Variants in XIRP2 observed in about 807,000 individuals in gnomAD.
XIRP2 encodes xin actin binding repeat containing 2, also known as xin actin-binding repeat-containing protein 2.
In XIRP2, 236 loss-of-function variants were observed where a neutral mutation model predicts 277.0. The ratio of observed to expected loss-of-function variants is 0.85; its 90% CI spans 0.77 to 0.95. The LOEUF is 0.95. Ranked by LOEUF, XIRP2 falls within the 40% of genes least tolerant of loss-of-function variation. XIRP2 has a pLI of 0.00. For missense variants in XIRP2, 4,640 were observed against 4,157.5 expected, an observed-to-expected ratio of 1.12 and a Z score of -3.19; for synonymous variants, 1,490 against 1,416.5, an observed-to-expected ratio of 1.05 and a Z score of -1.17.
At chr2:167,161,350 C>G (rs540321795) in intron 3 of XIRP2, among the ~76,000 whole-genome samples, 15 of 152,230 alleles carry the variant, frequency 9.9e-5, no homozygotes, top group Non-Finnish European at 2.1e-4. Flanking sequence ...CCCTTCTCCA[C>G]TGCCCTAGCA....
chr2:166,944,491 T>C (rs113193385), intron 2 of XIRP2, among the ~76,000 whole-genome samples: 2 of 152,200 alleles, frequency 1.3e-5, no homozygotes, highest in South Asian at 2.1e-4. Context: ...TTCTCAAAAA[T>C]AGATCCCTCT....
chr2:167,210,664 A>G, intron 3 of XIRP2, 71 bp from the exon 4 acceptor site: 1 of 1,543,262 alleles, frequency 6.5e-7, no homozygotes, highest in Non-Finnish European at 8.9e-7. Context: ...ATGCTTCACC[A>G]TTTATAAGGT....
At chr2:167,084,203 T>C (rs1199415702) in intron 2 of XIRP2, among the ~76,000 whole-genome samples, 1 of 152,046 alleles carries the variant, frequency 6.6e-6, no homozygotes, top group Non-Finnish European at 1.5e-5. Flanking sequence ...GATAATAATG[T>C]GGTTTTTGTC....
At chr2:167,203,506 T>C (rs1472738417) in intron 3 of XIRP2, among the ~76,000 whole-genome samples, 1 of 152,172 alleles carries the variant, frequency 6.6e-6, no homozygotes, top group Admixed American at 6.5e-5. Flanking sequence ...AAATGGAATC[T>C]GAGTCACTGT....
At chr2:167,218,361 C>T in intron 5 of XIRP2, 61 bp downstream of exon 5, 1 of 1,324,058 alleles carries the variant, frequency 7.6e-7, no homozygotes, top group Non-Finnish European at 9.8e-7. Flanking sequence ...ATTTTGGTGC[C>T]AATGTAGAAA....
intron 3 of XIRP2, among the ~76,000 whole-genome samples, chr2:167,162,050 A>G (rs1171441613): frequency 6.6e-6 from 1 of 152,096 alleles, no homozygotes; most frequent in Non-Finnish European, 1.5e-5. Context: ...AACAAGAATC[A>G]CCTTTGCTGC....
intron 3 of XIRP2, among the ~76,000 whole-genome samples, chr2:167,178,829 G>A (rs1692928586): frequency 6.6e-6 from 1 of 151,808 alleles, no homozygotes; most frequent in Non-Finnish European, 1.5e-5. Context: ...TGTTACTAAG[G>A]CCCATGGATG....
At chr2:167,027,017 G>A (rs983734793) in intron 2 of XIRP2, among the ~76,000 whole-genome samples, 2 of 151,858 alleles carry the variant, frequency 1.3e-5, no homozygotes, top group African/African-American at 2.4e-5. Context: ...TCTTTGTGGC[G>A]TTCTCTATAT....
chr2:166,910,462 C>G (rs1344855182), intron 2 of XIRP2, among the ~76,000 whole-genome samples: 1 of 151,592 alleles, frequency 6.6e-6, no homozygotes, highest in Non-Finnish European at 1.5e-5. Flanking sequence ...GGTGATATTC[C>G]CTTTATCATT....
intron 2 of XIRP2, among the ~76,000 whole-genome samples, chr2:167,101,296 TAA>T (rs980573176): frequency 1.1e-4 from 16 of 152,332 alleles, no homozygotes; most frequent in East Asian, 7.7e-4. Flanking sequence ...TAAAAAATGG[TAA>T]AAGAGTTTGA....
chr2:167,141,074 A>G (rs1444310880), intron 3 of XIRP2: 1 of 152,194 alleles, frequency 6.6e-6, no homozygotes, highest in Non-Finnish European at 1.5e-5. Context: ...TTGAGCTTGC[A>G]CGCGGTCATA....
intron 2 of XIRP2, among the ~76,000 whole-genome samples, chr2:167,115,953 C>T (rs1690886110): frequency 6.6e-6 from 1 of 152,134 alleles, no homozygotes; most frequent in Non-Finnish European, 1.5e-5. Flanking sequence ...ATGTTATCTT[C>T]CTGTTTTTGA....
At chr2:167,197,140 T>C (rs1292718992) in intron 3 of XIRP2, among the ~76,000 whole-genome samples, 1 of 152,166 alleles carries the variant, frequency 6.6e-6, no homozygotes, top group Admixed American at 6.6e-5. Context: ...GACTTTTGGG[T>C]GAAGAGCTGA....
At position 167,244,864 on chromosome 2, in the gene XIRP2, C is replaced by T; in HGVS notation, c.3472C>T (p.Gln1158Ter). 1 of 1,613,528 alleles carries T rather than the reference C, an allele frequency of 6.2e-7. No homozygotes were observed. The highest frequency in any genetic ancestry group is 1.1e-5 in the South Asian group (1 of 91,060). ...GCAAACTGTAAAACAGGAGGAGATC[C>T]AAGGTGGGGATGTTCGTACAGCATG... ...KLQTVKQEEI[Q>*]GGDVRTACFL... The change falls in exon 9 of 11, where the codon CAA becomes TAA. Residue 1158 changes from glutamine to a stop codon, truncating the protein, a stop_gained. Coordinates refer to ENST00000409195, the MANE Select transcript of XIRP2 (RefSeq NM_152381.6). LOFTEE classifies it high-confidence loss of function.
At chr2:167,096,669 T>TTAGA in intron 2 of XIRP2, among the ~76,000 whole-genome samples, 1 of 152,214 alleles carries the variant, frequency 6.6e-6, no homozygotes, top group African/African-American at 2.4e-5. Context: ...CTTTCCTACT[T>TTAGA]TCTCCTGTGG....
At chr2:167,221,478 A>G (rs1004347355) in intron 5 of XIRP2, among the ~76,000 whole-genome samples, 59 of 142,510 alleles carry the variant, frequency 4.1e-4, no homozygotes, top group African/African-American at 1.6e-3. Flanking sequence ...AAAAAAAAAA[A>G]AAAAAAAGGA....
intron 3 of XIRP2, among the ~76,000 whole-genome samples, chr2:167,196,412 T>TTGTGTG (rs71031280): frequency 0.086 from 12,250 of 141,746 alleles, 595 homozygotes; most frequent in Non-Finnish European, 0.11. Context: ...GTCAAGAATT[T>TTGTGTG]TGTGTGTGTG....
chr2:167,111,647 C>A (rs1345651067), intron 2 of XIRP2, among the ~76,000 whole-genome samples: 1 of 133,704 alleles, frequency 7.5e-6, no homozygotes, highest in Non-Finnish European at 1.5e-5. Flanking sequence ...TTTCTTATTT[C>A]TCTGCCAGCT....
chr2:167,154,488 C>T (rs1692122765), intron 3 of XIRP2, among the ~76,000 whole-genome samples: 1 of 150,800 alleles, frequency 6.6e-6, no homozygotes, highest in African/African-American at 2.5e-5. Flanking sequence ...TTGCCCATGC[C>T]TATGTCCTGA....
Sources: allele counts gnomAD v4.1 joint callset (sites outside exome capture counted in the v4.1 genomes callset), GRCh38; gene constraint gnomAD v4.1.1; transcripts MANE v1.5; gene names NCBI Gene and HGNC (gene_info 2026-07-23, HGNC 2026-07-21).